Variants in SETBP1 observed in about 807,000 individuals in gnomAD.
SETBP1 encodes the protein SET binding protein 1, also known as SET-binding protein.
A neutral mutation model predicts 101.0 loss-of-function variants in SETBP1; 9 were observed. The ratio of observed to expected loss-of-function variants is 0.09; its 90% CI spans 0.05 to 0.16. SETBP1 has a LOEUF of 0.16. Ranked by LOEUF, SETBP1 falls within the 10% of genes least tolerant of loss-of-function variation. SETBP1 has a pLI of 1.00. For missense variants in SETBP1, 1,858 were observed against 2,033.8 expected (o/e 0.91, Z 1.66); for synonymous variants, 818 against 788.5 (o/e 1.04, Z -0.63).
intron 4 of SETBP1, chr18:44,987,913 G>A (rs928892676): frequency 2.0e-5 from 3 of 152,068 alleles, no homozygotes; most frequent in Non-Finnish European, 2.9e-5. Context: ...TATATATACT[G>A]TTTCTCATGA....
At chr18:45,022,657 C>T (rs1402244501) in intron 4 of SETBP1, among the ~76,000 whole-genome samples, 1 of 152,088 alleles carries the variant, frequency 6.6e-6, no homozygotes, top group Non-Finnish European at 1.5e-5. Context: ...TGGTGAAACC[C>T]CATCTCTACT....
chr18:44,690,381 A>G (rs2068909765), intron 1 of SETBP1, among the ~76,000 whole-genome samples: 1 of 152,254 alleles, frequency 6.6e-6, no homozygotes, highest in African/African-American at 2.4e-5. Flanking sequence ...TGTTCAAATG[A>G]CAATGAACAA....
Position 45,063,795 on chromosome 18 carries a change from C to A in SETBP1, c.*97C>A. ...GCGGAATCCCCCGCTGCAGGGACAC[C>A]CACGCCCTTCTCTCCAGAAGCCGGG... On this transcript the variant is annotated 3_prime_UTR_variant, in exon 6 of 6. Coordinates refer to ENST00000649279, the MANE Select transcript of SETBP1 (RefSeq NM_015559.3). 1 of 1,359,428 alleles carries A rather than the reference C, an allele frequency of 7.4e-7. No individual in the cohort carries two copies. The highest frequency in any genetic ancestry group is 1.0e-6 in the Non-Finnish European group (1 of 994,452). The allele number at this position is 1,359,428 out of a possible 1,614,324, so 84.2% of individuals were successfully genotyped here. A position where few individuals can be genotyped will look rare whatever the true frequency, so the allele number is the denominator to read the frequency against.
chr18:44,862,274 A>C (rs2069030793), intron 2 of SETBP1, among the ~76,000 whole-genome samples: 1 of 152,190 alleles, frequency 6.6e-6, no homozygotes, highest in Non-Finnish European at 1.5e-5. Context: ...AGGAATCAAG[A>C]CCAGGCTTGC....
chr18:44,726,762 C>A (rs555602114), intron 2 of SETBP1, among the ~76,000 whole-genome samples: 2 of 152,280 alleles, frequency 1.3e-5, no homozygotes, highest in South Asian at 4.1e-4. Flanking sequence ...ATGCCTCAAG[C>A]CACACAACTG....
At position 44,786,239 on chromosome 18, in the gene SETBP1, G is replaced by C. The variant is rs1054927746; in HGVS notation, c.487-82991G>C. On this transcript the variant is annotated intron_variant, in intron 2 of 5. Coordinates refer to ENST00000649279, the MANE Select transcript of SETBP1 (RefSeq NM_015559.3). ...GATACTTTTTCTAAAGTTTTTGAAA[G>C]CTACAGCGTTGACATCCTAGATTTT... Among the ~76,000 whole-genome samples the C allele has an allele frequency of 2.6e-5, 4 of 152,110 alleles. No individual in the cohort carries two copies. The East Asian group carries it at 7.7e-4, about 29-fold the overall frequency.
At chr18:44,684,901 C>A (rs1406033000) in intron 1 of SETBP1, among the ~76,000 whole-genome samples, 1 of 152,200 alleles carries the variant, frequency 6.6e-6, no homozygotes, top group Non-Finnish European at 1.5e-5. Context: ...CCTGTCTCAG[C>A]CTCCCAAAGT....
At chr18:44,696,151 G>A (rs1010135252) in intron 1 of SETBP1, among the ~76,000 whole-genome samples, 2 of 152,168 alleles carry the variant, frequency 1.3e-5, no homozygotes, top group South Asian at 4.1e-4. Flanking sequence ...CATTTCTTGA[G>A]TGTTGATTAT....
At chr18:45,025,479 C>A (rs546474656) in intron 4 of SETBP1, among the ~76,000 whole-genome samples, 1 of 152,280 alleles carries the variant, frequency 6.6e-6, no homozygotes, top group South Asian at 2.1e-4. Flanking sequence ...GGAGATCTAT[C>A]TAATGATGGG....
At chr18:44,891,623 C>A (rs1245640789) in intron 3 of SETBP1, among the ~76,000 whole-genome samples, 1 of 143,238 alleles carries the variant, frequency 7.0e-6, no homozygotes, top group African/African-American at 2.6e-5. Context: ...TTAACTCAGG[C>A]TGCAAATGTT....
intron 3 of SETBP1, among the ~76,000 whole-genome samples, chr18:44,875,990 G>A (rs1282442067): frequency 6.6e-6 from 1 of 152,188 alleles, no homozygotes; most frequent in Non-Finnish European, 1.5e-5. Flanking sequence ...TTTGAAGATT[G>A]TATTGAGTTT....
At chr18:44,860,674 G>C (rs1291324) in intron 2 of SETBP1, among the ~76,000 whole-genome samples, 53,734 of 151,508 alleles carry the variant, frequency 0.35, 9,650 homozygotes, top group South Asian at 0.44. Flanking sequence ...TTGAACCCTC[G>C]AGGCAGAGGT....
At chr18:44,868,423 A>G (rs1480561512) in intron 2 of SETBP1, among the ~76,000 whole-genome samples, 1 of 152,068 alleles carries the variant, frequency 6.6e-6, no homozygotes, top group Non-Finnish European at 1.5e-5. Flanking sequence ...GGTCGGGTGC[A>G]GTGGCTCACA....
At chr18:44,977,974 TGGGGC>T (rs771238274) in intron 4 of SETBP1, among the ~76,000 whole-genome samples, 50 of 152,284 alleles carry the variant, frequency 3.3e-4, no homozygotes, top group Non-Finnish European at 6.3e-4. Flanking sequence ...TTTTCAGCTC[TGGGGC>T]CTGTGCTCTT....
Position 44,740,146 on chromosome 18 carries a change from G to A in SETBP1, c.486+38314G>A, listed in dbSNP as rs115702510. The stretch of plus-strand genomic sequence containing the variant: ...AAGGTTTGGGTTATTATTCTAGAGC[G>A]GGCATTGTGAGTCATAGGGCTCCAA... On this transcript the variant is annotated intron_variant, in intron 2 of 5. Coordinates refer to ENST00000649279, the MANE Select transcript of SETBP1 (RefSeq NM_015559.3). 5.9e-3 allele frequency among the ~76,000 whole-genome samples: 897 copies of A among 152,234 alleles called. 6 individuals carry two copies. Among genetic ancestry groups the A allele is most frequent in the African/African-American group, 0.02 (838 of 41,530 alleles).
At chr18:44,764,291 A>C (rs183717867) in intron 2 of SETBP1, among the ~76,000 whole-genome samples, 1 of 152,226 alleles carries the variant, frequency 6.6e-6, no homozygotes, top group Non-Finnish European at 1.5e-5. Flanking sequence ...TCCCCCAGAC[A>C]CCTGCAGTAC....
chr18:44,818,064 A>G (rs2072021461), intron 2 of SETBP1, among the ~76,000 whole-genome samples: 1 of 152,244 alleles, frequency 6.6e-6, no homozygotes, highest in Non-Finnish European at 1.5e-5. Flanking sequence ...ATAAATCACC[A>G]CATTTAATCT....
At chr18:44,716,631 C>T (rs190455892) in intron 2 of SETBP1, among the ~76,000 whole-genome samples, 17 of 152,214 alleles carry the variant, frequency 1.1e-4, no homozygotes, top group African/African-American at 3.4e-4. Flanking sequence ...GGTGCGATCT[C>T]GGCTCTCTGC....
At chr18:44,809,783 T>C (rs1432131080) in intron 2 of SETBP1, among the ~76,000 whole-genome samples, 1 of 152,096 alleles carries the variant, frequency 6.6e-6, no homozygotes, top group Non-Finnish European at 1.5e-5. Context: ...CCATCCAAAT[T>C]ATATATGAGA....
Sources: gnomAD v4.1 joint callset for allele counts (sites outside exome capture counted in the v4.1 genomes callset) on GRCh38, gnomAD v4.1.1 for gene constraint, MANE v1.5 for transcripts, NCBI Gene and HGNC (gene_info 2026-07-23, HGNC 2026-07-21) for gene names.